The following ARFGAP2 variants were observed in gnomAD, a reference collection of about 807,000 sequenced individuals.
ARFGAP2 encodes the protein ADP-ribosylation factor GTPase-activating protein 2.
ARFGAP2 carries 45 observed loss-of-function variants against 71.9 expected under a neutral mutation model. That is an observed-to-expected ratio of 0.63 (90% CI 0.49 to 0.80). The LOEUF (loss-of-function observed/expected upper bound fraction) is 0.80, where lower values mean the gene tolerates loss of function less well. Ranked by LOEUF, ARFGAP2 falls within the 30% of genes least tolerant of loss-of-function variation. The pLI is 0.00. For synonymous variants in ARFGAP2, 248 were observed against 249.2 expected, an observed-to-expected ratio of 1.00 and a Z score of 0.05; for missense variants, 633 against 673.9, an observed-to-expected ratio of 0.94 and a Z score of 0.67.
At chr11:47,175,121 A>AAT (rs748793536) in intron 4 of ARFGAP2, 23 bp from the exon 5 acceptor site, 2 of 1,614,154 alleles carry the variant, frequency 1.2e-6, no homozygotes, top group Non-Finnish European at 8.5e-7. Flanking sequence ...AGACACCCCT[A>AAT]AAACACAGGG....
At chr11:47,175,655 C>A (rs904026783) in intron 3 of ARFGAP2, 196 bp downstream of exon 3, 2 of 676,764 alleles carry the variant, frequency 3.0e-6, no homozygotes, top group Non-Finnish European at 5.0e-6. Flanking sequence ...AGAACACCTG[C>A]CCAGTTTAAT....
chr11:47,175,387 A>T lies in ARFGAP2; in HGVS notation c.265-74T>A, dbSNP rs777363320. 3 of 1,603,776 alleles carry T rather than the reference A, an allele frequency of 1.9e-6. No individual in the cohort carries two copies. The South Asian group carries it at 3.3e-5, about 18-fold the overall frequency. On this transcript the variant is annotated intron_variant, in intron 3 of 15. Coordinates refer to ENST00000524782, the MANE Select transcript of ARFGAP2 (RefSeq NM_032389.6). ...AGGAAACGTGTTGGCTGTAGGAGAC[A>T]TCTCCTTATGACAGCGAAGTTATTA...
intron 10 of ARFGAP2, among the ~76,000 whole-genome samples, chr11:47,168,792 G>C (rs1449162849): frequency 3.3e-5 from 5 of 152,046 alleles, no homozygotes; most frequent in African/African-American, 9.7e-5. Context: ...AAAAGTGCCA[G>C]GATTATAGGC....
chr11:47,173,678 G>A (rs1250116197), intron 6 of ARFGAP2, 81 bp downstream of exon 6: 2 of 1,509,980 alleles, frequency 1.3e-6, no homozygotes, highest in Non-Finnish European at 1.8e-6. Context: ...TGCTCCTATT[G>A]TCATGGCCAG....
Position 47,175,312 on chromosome 11 carries a change from G to A in ARFGAP2, c.266C>T (p.Thr89Met), listed in dbSNP as rs750799316. 3.5e-5 allele frequency: 56 copies of A among 1,613,982 alleles called. No homozygotes were observed. The highest frequency in any genetic ancestry group is 1.6e-4 in the Middle Eastern group (1 of 6,084). Reference sequence around the variant, plus strand: ...GCATCCATGTTGGCGAAAAAAAGCCGTCTGGAGAGCAAAGAAGAGAGCAGC... The same window carrying A: ...GCATCCATGTTGGCGAAAAAAAGCCATCTGGAGAGCAAAGAAGAGAGCAGC... ...CMQVGGNANA[T>M]AFFRQHGCTA... Residue 89 changes from threonine (T) to methionine (M), a missense_variant and splice_region_variant, in exon 4 of 16, where the codon ACG becomes ATG. By Grantham distance (81) the Thr-to-Met change is moderately conservative. Transcript: ENST00000524782.
At chr11:47,165,583 C>T (rs1359434475) in intron 15 of ARFGAP2, 81 bp from the exon 16 acceptor site, 2 of 1,403,546 alleles carry the variant, frequency 1.4e-6, no homozygotes, top group Non-Finnish European at 1.9e-6. Context: ...ACACTGCCTG[C>T]CCCAGCACCC....
At chr11:47,168,516 A>C in intron 10 of ARFGAP2, 1 of 318,796 alleles carries the variant, frequency 3.1e-6, no homozygotes, top group Admixed American at 4.5e-5. Context: ...TGCCTGTTAT[A>C]ATTTAATTTT....
Position 47,168,382 on chromosome 11 carries a change from A to G in ARFGAP2, c.942-131T>C, listed in dbSNP as rs1045612408. The G allele has an allele frequency of 2.3e-6, 3 of 1,303,564 alleles. No homozygotes were observed. The East Asian group carries it at 7.5e-5, about 32-fold the overall frequency. 80.7% of individuals were successfully genotyped at this position (1,303,564 alleles called of 1,614,324 possible). A position where few individuals can be genotyped will look rare whatever the true frequency, so the allele number is the denominator to read the frequency against. ...CAGAGCCTTCTGTCCTTACCCAAGC[A>G]CAGGGCTGGGCCAGACCCCAACAGA... On this transcript the variant is annotated intron_variant, in intron 10 of 15. Transcript: ENST00000524782.
At position 47,166,372 on chromosome 11, in the gene ARFGAP2, CCA is replaced by C. The variant is rs1952377463; in HGVS notation, c.1439_1440del (p.Leu480ArgfsTer13). 6.2e-7 allele frequency: 1 copy of C among 1,614,012 alleles called. No homozygotes were observed. The highest frequency in any genetic ancestry group is 1.3e-5 in the African/African-American group (1 of 74,932). ...DGAHGAGSVSLGNVLPTADIA... is the reference protein window; with the variant it reads ...DGAHGAGSVSXGNVLPTADIA... ...ATGTCCGCTGTAGGCAGCACGTTCCCCAGAGATACACTTCCTGTAAAACAAGA... is the reference window on the plus strand; with the variant it reads ...ATGTCCGCTGTAGGCAGCACGTTCCCGAGATACACTTCCTGTAAAACAAGA... On this transcript the variant is annotated frameshift_variant, in exon 15 of 16. Transcript: ENST00000524782. LOFTEE classifies it high-confidence loss of function.
intron 5 of ARFGAP2, 101 bp from the exon 6 acceptor site, chr11:47,173,941 A>C (rs1382594088): frequency 1.3e-6 from 2 of 1,535,584 alleles, no homozygotes. Flanking sequence ...TCATACTCCA[A>C]ACCCATGAGG....
chr11:47,175,692 G>C (rs567718592), intron 3 of ARFGAP2, 159 bp downstream of exon 3: 2 of 786,344 alleles, frequency 2.5e-6, no homozygotes, highest in South Asian at 3.4e-5. Flanking sequence ...TTTAAGAGAA[G>C]CTGTGACCAG....
intron 7 of ARFGAP2, chr11:47,172,587 G>A (rs754441628): frequency 2.3e-5 from 29 of 1,240,258 alleles, no homozygotes; most frequent in Middle Eastern, 4.0e-4. Context: ...CACCAGAGAC[G>A]TCCAAATTCC....
intron 10 of ARFGAP2, among the ~76,000 whole-genome samples, chr11:47,170,524 G>A (rs1952559410): frequency 6.6e-6 from 1 of 151,988 alleles, no homozygotes; most frequent in African/African-American, 2.4e-5. Context: ...GTACACACCT[G>A]TAATCCCAGC....
At chr11:47,172,191 A>T in intron 8 of ARFGAP2, 90 bp downstream of exon 8, 1 of 1,302,056 alleles carries the variant, frequency 7.7e-7, no homozygotes, top group Non-Finnish European at 1.1e-6. Context: ...CCAAAGTCAT[A>T]TAGCTGGTAA....
chr11:47,174,893 C>A (rs542963981), intron 5 of ARFGAP2, 122 bp downstream of exon 5: 14 of 1,009,236 alleles, frequency 1.4e-5, no homozygotes, highest in Admixed American at 5.8e-5. Flanking sequence ...GGACTTCATA[C>A]GTGGTGTCCA....
At position 47,166,358 on chromosome 11, in the gene ARFGAP2, A is replaced by G; in HGVS notation, c.1455T>C (p.Pro485=). The G allele has an allele frequency of 1.2e-6, 2 of 1,614,236 alleles. No individual in the cohort carries two copies. Among genetic ancestry groups the G allele is most frequent in the Non-Finnish European group, 1.7e-6 (2 of 1,180,034 alleles). Residue 485 remains proline, a synonymous_variant, in exon 15 of 16, where the codon CCT becomes CCC. Coordinates refer to ENST00000524782, the MANE Select transcript of ARFGAP2 (RefSeq NM_032389.6). ...GCTTAAACTGGGCAATGTCCGCTGT[A>G]GGCAGCACGTTCCCCAGAGATACAC... ...AGSVSLGNVL[P]TADIAQFKQG...
rs369735265 is a variant in ARFGAP2, at chr11:47,175,877, T to C, written c.238A>G (p.Met80Val). The C allele has an allele frequency of 3.1e-6, 5 of 1,614,028 alleles. No homozygotes were observed. The African/African-American group carries it at 4.0e-5, about 13-fold the overall frequency. ...GCATTGGCATTCCCGCCGACCTGCA[T>C]ACACCTCAGCTGGAACCAGTTCCAG... ...SNWNWFQLRC[M>V]QVGGNANATA... The change falls in exon 3 of 16, where the codon ATG (methionine) becomes GTG (valine). Residue 80 changes from methionine to valine, a missense_variant. By Grantham distance (21) the Met-to-Val change is conservative (BLOSUM62 1). Coordinates refer to ENST00000524782, the MANE Select transcript of ARFGAP2 (RefSeq NM_032389.6).
intron 10 of ARFGAP2, among the ~76,000 whole-genome samples, chr11:47,169,949 A>G (rs954565095): frequency 1.3e-5 from 2 of 152,224 alleles, no homozygotes; most frequent in African/African-American, 2.4e-5. Flanking sequence ...AGTCATTCCT[A>G]TGTGACTGAA....
chr11:47,166,853 G>A lies in ARFGAP2; in HGVS notation c.1239C>T (p.Ser413=), dbSNP rs765452327. 3 of 1,614,008 alleles carry A rather than the reference G, an allele frequency of 1.9e-6. No homozygotes were observed. The highest frequency in any genetic ancestry group is 4.5e-5 in the East Asian group (2 of 44,880). ...GCGCCTCACTAGACTCGAGGCCTGA[G>A]CTCCGGCTCTCCACTTCCCTCCGGT... ...ATNRREVESR[S]SGLESSEARQ... The change falls in exon 13 of 16, where the codon AGC becomes AGT. Residue 413 remains serine, a synonymous_variant. Transcript: ENST00000524782.
Sources: gnomAD v4.1 joint callset for allele counts (sites outside exome capture counted in the v4.1 genomes callset) on GRCh38, gnomAD v4.1.1 for gene constraint, MANE v1.5 for transcripts, NCBI Gene and HGNC (gene_info 2026-07-23, HGNC 2026-07-21) for gene names.